Variants in DAB1 observed in about 807,000 individuals in gnomAD.
DAB1 encodes DAB adaptor protein 1, also known as disabled homolog 1.
In DAB1, 15 loss-of-function variants were observed where a neutral mutation model predicts 64.6. The ratio of observed to expected loss-of-function variants is 0.23; its 90% confidence interval spans 0.16 to 0.36. The LOEUF is 0.36. Ranked by LOEUF, DAB1 falls within the 10% of genes least tolerant of loss-of-function variation. The pLI is 1.00. For missense variants in DAB1, 596 were observed against 706.7 expected, an observed-to-expected ratio of 0.84 and a Z score of 1.78; for synonymous variants, 235 against 251.9, an observed-to-expected ratio of 0.93 and a Z score of 0.64.
At chr1:57,362,873 C>T (rs10889039) in intron 1 of DAB1, among the ~76,000 whole-genome samples, 75,963 of 152,004 alleles carry the variant, frequency 0.5, 19,679 homozygotes, top group African/African-American at 0.55. Context: ...TATTCTTTAC[C>T]GTTAGCACTT....
At chr1:58,272,814 A>G (rs1441109566) in intron 4 of DAB1, among the ~76,000 whole-genome samples, 1 of 150,556 alleles carries the variant, frequency 6.6e-6, no homozygotes, top group East Asian at 2.0e-4. Context: ...CTGTTTTATC[A>G]GAGACTAGGA....
chr1:58,053,770 C>T (rs1282309857), intron 5 of DAB1, among the ~76,000 whole-genome samples: 1 of 152,166 alleles, frequency 6.6e-6, no homozygotes, highest in Non-Finnish European at 1.5e-5. Context: ...CTAGTTATGG[C>T]AGAGAACCCC....
At chr1:57,107,665 A>G (rs2100712517) in intron 4 of DAB1, among the ~76,000 whole-genome samples, 1 of 152,316 alleles carries the variant, frequency 6.6e-6, no homozygotes, top group African/African-American at 2.4e-5. Context: ...AGGACCTTAG[A>G]AATGAGTAAA....
chr1:57,700,289 T>G (rs1240074265), intron 6 of DAB1, among the ~76,000 whole-genome samples: 1 of 152,218 alleles, frequency 6.6e-6, no homozygotes, highest in African/African-American at 2.4e-5. Flanking sequence ...GTAATACTTT[T>G]ACTAAAACTA....
chr1:58,238,011 T>C (rs1419387293), intron 4 of DAB1, among the ~76,000 whole-genome samples: 3 of 152,224 alleles, frequency 2.0e-5, no homozygotes, highest in Admixed American at 1.3e-4. Context: ...TATACAACCA[T>C]GCGGTGGCAA....
At chr1:58,048,319 A>G (rs948928668) in intron 5 of DAB1, 2 of 1,135,262 alleles carry the variant, frequency 1.8e-6, no homozygotes, top group South Asian at 2.4e-5. Flanking sequence ...TCATGGGTCC[A>G]AAATTTGAAA....
At chr1:58,332,505 G>A (rs1356606105) in intron 4 of DAB1, among the ~76,000 whole-genome samples, 3 of 152,178 alleles carry the variant, frequency 2.0e-5, no homozygotes, top group Non-Finnish European at 4.4e-5. Context: ...CACTATAGTA[G>A]TCTGTTAAGT....
In DAB1 at chr1:57,014,434, C is replaced by A. The variant is rs576822358; in HGVS notation, c.1444+449G>T. ...TCCCCAAATTTTTAAAGTTTGCATTCATTTTATTTCAATAAGCCACGCCAA... is the reference window on the plus strand; with the variant it reads ...TCCCCAAATTTTTAAAGTTTGCATTAATTTTATTTCAATAAGCCACGCCAA... On this transcript the variant is annotated intron_variant, in intron 12 of 14. Transcript: ENST00000371236. Among the ~76,000 whole-genome samples the A allele has an allele frequency of 1.8e-4, 28 of 152,292 alleles. 1 individual carries two copies. The South Asian group carries it at 5.2e-3, about 28-fold the overall frequency.
chr1:57,101,217 AG>A (rs1654659392), intron 4 of DAB1, among the ~76,000 whole-genome samples: 1 of 152,264 alleles, frequency 6.6e-6, no homozygotes, highest in Admixed American at 6.5e-5. Context: ...ACAGGACTTT[AG>A]AACCAACAGA....
chr1:57,164,277 A>G (rs1255645970), intron 2 of DAB1, among the ~76,000 whole-genome samples: 4 of 152,150 alleles, frequency 2.6e-5, no homozygotes, highest in Non-Finnish European at 5.9e-5. Flanking sequence ...ACCATATAAA[A>G]GCACCACAGA....
intron 1 of DAB1, among the ~76,000 whole-genome samples, chr1:57,863,536 G>A (rs1198130686): frequency 6.6e-6 from 1 of 152,152 alleles, no homozygotes. Context: ...ATTCTCATCT[G>A]TAGGCTTTGA....
rs572805987 is a variant in DAB1, at chr1:58,428,737, T to C, written n.257+77323A>G. Among the ~76,000 whole-genome samples the C allele has an allele frequency of 2.0e-5, 3 of 152,362 alleles. No homozygotes were observed. In the South Asian group the frequency reaches 6.2e-4, roughly 32 times the overall value. On this transcript the variant is annotated intron_variant and non_coding_transcript_variant, in intron 3 of 20. Transcript: ENST00000485760. ...TCTATTGGAAAGAGAGGAAAGTTGA[T>C]GAGAGTAGAGTGCTAGAGCATGTAC...
At chr1:57,409,660 T>C (rs905090269) in intron 1 of DAB1, among the ~76,000 whole-genome samples, 2 of 152,008 alleles carry the variant, frequency 1.3e-5, no homozygotes, top group Non-Finnish European at 2.9e-5. Context: ...AATACAAAAA[T>C]TAGCTGGCCA....
intron 4 of DAB1, among the ~76,000 whole-genome samples, chr1:57,123,873 A>T (rs567551025): frequency 6.6e-5 from 10 of 152,336 alleles, no homozygotes; most frequent in African/African-American, 2.2e-4. Context: ...ATACACAAAA[A>T]AATCTTGATT....
intron 2 of DAB1, among the ~76,000 whole-genome samples, chr1:57,224,667 T>C (rs541761408): frequency 6.6e-6 from 1 of 152,388 alleles, no homozygotes; most frequent in African/African-American, 2.4e-5. Flanking sequence ...ACGTAATCAC[T>C]GTGGCATAAT....
intron 2 of DAB1, among the ~76,000 whole-genome samples, chr1:57,161,850 C>CAA (rs74260673): frequency 3.9e-5 from 5 of 127,910 alleles, no homozygotes; most frequent in East Asian, 2.2e-4. Flanking sequence ...ACCCATTCTT[C>CAA]AAAAAAAAAA....
At chr1:57,536,054 G>A (rs796073655) in intron 7 of DAB1, among the ~76,000 whole-genome samples, 9 of 152,176 alleles carry the variant, frequency 5.9e-5, no homozygotes, top group African/African-American at 1.9e-4. Flanking sequence ...TTGCCTTCCC[G>A]GCTAGATTTC....
chr1:57,846,923 A>G (rs909510286), intron 1 of DAB1, among the ~76,000 whole-genome samples: 1 of 152,226 alleles, frequency 6.6e-6, no homozygotes, highest in Non-Finnish European at 1.5e-5. Flanking sequence ...ATGCCTACTT[A>G]AGAATCTGTC....
At chr1:57,677,392 A>AG (rs1439950409) in intron 6 of DAB1, among the ~76,000 whole-genome samples, 1 of 152,176 alleles carries the variant, frequency 6.6e-6, no homozygotes, top group Non-Finnish European at 1.5e-5. Context: ...TTTCACAGAA[A>AG]GGAGACCAAG....
Sources: allele counts gnomAD v4.1 joint callset (sites outside exome capture counted in the v4.1 genomes callset), GRCh38; gene constraint gnomAD v4.1.1; transcripts MANE v1.5; gene names NCBI Gene and HGNC (gene_info 2026-07-23, HGNC 2026-07-21).